LAMB4: variants seen among roughly 807,000 people sequenced by gnomAD.
The protein encoded by LAMB4 is laminin subunit beta-4.
In LAMB4, 196 loss-of-function variants were observed where a neutral mutation model predicts 199.2. The observed-to-expected ratio is 0.98, with a 90% CI of 0.88 to 1.11. The LOEUF (loss-of-function observed/expected upper bound fraction) is 1.11. LAMB4 is among the 50% of genes least tolerant of loss of function. The probability of loss-of-function intolerance (pLI) is 0.00; values close to 1 mark genes in which losing one functional copy is unlikely to be tolerated. For synonymous variants in LAMB4, 744 were observed against 770.6 expected, an observed-to-expected ratio of 0.97 and a Z score of 0.57; for missense variants, 2,080 against 2,171.2, an observed-to-expected ratio of 0.96 and a Z score of 0.83.
At chr7:108,046,934 T>C (rs2035647097) in intron 28 of LAMB4, among the ~76,000 whole-genome samples, 1 of 151,422 alleles carries the variant, frequency 6.6e-6, no homozygotes, top group South Asian at 2.1e-4. Flanking sequence ...ATTATTATTA[T>C]TATTTTAAAT....
intron 29 of LAMB4, among the ~76,000 whole-genome samples, chr7:108,042,943 G>C (rs963316851): frequency 2.8e-5 from 4 of 144,876 alleles, no homozygotes; most frequent in Non-Finnish European, 6.2e-5. Flanking sequence ...ATCTCTGTGT[G>C]TGTGTGTGTG....
intron 16 of LAMB4, 32 bp from the exon 17 acceptor site, chr7:108,077,096 A>T: frequency 6.2e-7 from 1 of 1,608,134 alleles, no homozygotes; most frequent in Non-Finnish European, 8.5e-7. Context: ...AAAAATTCAG[A>T]CCACAGAAAT....
Position 108,048,004 on chromosome 7 carries a change from G to A in LAMB4, c.4230C>T (p.Gly1410=). ...HRKCRGPGCH[G]SLTLSTNALQ... is the part of the protein sequence containing the mutation. ...GGGCATTCGTTGAGAGGGTCAGGGA[G>A]CCGTGACAGCCGGGACCCCTACACT... The change falls in exon 28 of 34, where the codon GGC becomes GGT. Residue 1410 remains glycine (G), a synonymous_variant. Transcript: ENST00000388781. The A allele has an allele frequency of 6.2e-7, 1 of 1,614,144 alleles. No homozygotes were observed. The highest frequency in any genetic ancestry group is 1.1e-5 in the South Asian group (1 of 91,088).
chr7:108,125,343 G>T (rs902501623), intron 1 of LAMB4, among the ~76,000 whole-genome samples: 2 of 152,190 alleles, frequency 1.3e-5, no homozygotes, highest in Non-Finnish European at 2.9e-5. Context: ...TAATCCTGAT[G>T]CTGTCCTGTA....
At chr7:108,057,768 T>C (rs2036028323) in intron 24 of LAMB4, 64 bp downstream of exon 24, 13 of 1,022,404 alleles carry the variant, frequency 1.3e-5, no homozygotes, top group African/African-American at 7.9e-5. Flanking sequence ...AGTTGGTTCA[T>C]AGCATGTCCA....
chr7:108,102,899 C>G, intron 10 of LAMB4, 145 bp downstream of exon 10: 1 of 534,250 alleles, frequency 1.9e-6, no homozygotes, highest in Non-Finnish European at 3.1e-6. Flanking sequence ...GCTCTTAAAG[C>G]TGAGGTATTT....
intron 11 of LAMB4, among the ~76,000 whole-genome samples, chr7:108,096,612 T>A (rs1426785450): frequency 6.6e-6 from 1 of 151,894 alleles, no homozygotes; most frequent in Non-Finnish European, 1.5e-5. Flanking sequence ...CAGGGTGAAT[T>A]GTATGGTATG....
intron 33 of LAMB4, 78 bp from the exon 34 acceptor site, chr7:108,024,256 A>G: frequency 1.4e-6 from 1 of 736,054 alleles, no homozygotes; most frequent in Non-Finnish European, 2.0e-6. Flanking sequence ...TACCAAACAC[A>G]GGGATTTATG....
the LAMB4 span, among the ~76,000 whole-genome samples, chr7:108,017,211 G>A: frequency 7.9e-5 from 12 of 152,140 alleles, no homozygotes; most frequent in Non-Finnish European, 1.8e-4. Context: ...TTAGGGAGGG[G>A]GAAGCCTTCT....
At chr7:108,066,306 C>T (rs1011995044) in intron 20 of LAMB4, 63 bp downstream of exon 20, 13 of 1,208,926 alleles carry the variant, frequency 1.1e-5, no homozygotes, top group Non-Finnish European at 1.6e-5. Context: ...CAATGGATCT[C>T]TATTAGGAGA....
the LAMB4 span, among the ~76,000 whole-genome samples, chr7:108,014,041 TA>T: frequency 6.6e-6 from 1 of 152,232 alleles, no homozygotes; most frequent in Non-Finnish European, 1.5e-5. Context: ...CTCAAAATAT[TA>T]AAAGATAGCT....
At position 108,086,350 on chromosome 7, in the gene LAMB4, TACATTCCCTCA is replaced by T. The variant is rs142704143; in HGVS notation, c.1701+5265_1701+5275del. ...ACTCCATTATAGGCTTTTCTTGACA[TACATTCCCTCA>T]ATAAAACACATGCACCTGAATCCCT... On this transcript the variant is annotated intron_variant, in intron 14 of 33. Transcript: ENST00000388781. 5.3e-5 allele frequency among the ~76,000 whole-genome samples: 8 copies of T among 152,298 alleles called. No homozygotes were observed. In the East Asian group the frequency reaches 1.5e-3, roughly 29 times the overall value.
chr7:108,107,223 T>G (rs1192318664), intron 6 of LAMB4, among the ~76,000 whole-genome samples: 1 of 152,238 alleles, frequency 6.6e-6, no homozygotes, highest in Non-Finnish European at 1.5e-5. Flanking sequence ...TCCAACCTTC[T>G]GCCAGGCACC....
chr7:108,026,763 G>A (rs1303918853), intron 33 of LAMB4: 2 of 352,210 alleles, frequency 5.7e-6, no homozygotes, highest in East Asian at 1.5e-4. Flanking sequence ...CATTGTTGCT[G>A]CCAAGGGCTC....
chr7:108,028,440 C>G (rs958818725), intron 33 of LAMB4, among the ~76,000 whole-genome samples: 1 of 151,800 alleles, frequency 6.6e-6, no homozygotes, highest in Non-Finnish European at 1.5e-5. Context: ...ACATCTCACC[C>G]CCCGTTGAGA....
chr7:108,126,561 T>C (rs1406919053), intron 1 of LAMB4, among the ~76,000 whole-genome samples: 1 of 102,392 alleles, frequency 9.8e-6, no homozygotes, highest in Non-Finnish European at 2.0e-5. Flanking sequence ...TTTCTTTTTT[T>C]TTTTTTTTTT....
intron 32 of LAMB4, among the ~76,000 whole-genome samples, chr7:108,029,857 C>T (rs1034763128): frequency 6.6e-6 from 1 of 152,028 alleles, no homozygotes; most frequent in East Asian, 1.9e-4. Context: ...TGGTGGCTCA[C>T]GCCTGTAATC....
At chr7:108,041,811 G>A (rs756174782) in intron 29 of LAMB4, among the ~76,000 whole-genome samples, 2 of 152,062 alleles carry the variant, frequency 1.3e-5, no homozygotes, top group Admixed American at 1.3e-4. Flanking sequence ...CTTAATACTT[G>A]GGTGATGAAA....
intron 28 of LAMB4, among the ~76,000 whole-genome samples, chr7:108,045,457 T>C (rs560324961): frequency 1.3e-5 from 2 of 152,360 alleles, no homozygotes; most frequent in East Asian, 1.9e-4. Context: ...TTCATCAACA[T>C]GACATCCCCT....
Sources: gnomAD v4.1 joint callset for allele counts (sites outside exome capture counted in the v4.1 genomes callset) on GRCh38, gnomAD v4.1.1 for gene constraint, MANE v1.5 for transcripts, NCBI Gene and HGNC (gene_info 2026-07-23, HGNC 2026-07-21) for gene names.